PRDX5: variants seen among roughly 807,000 people sequenced by gnomAD.
PRDX5 encodes peroxiredoxin-5, mitochondrial.
In PRDX5, 21 loss-of-function variants were observed where a neutral mutation model predicts 23.8. That is an observed-to-expected ratio of 0.88 (90% CI 0.63 to 1.27). The LOEUF (loss-of-function observed/expected upper bound fraction) is 1.27. Ranked by LOEUF, PRDX5 falls within the 50% of genes most tolerant of loss-of-function variation. The pLI is 0.00. For synonymous variants in PRDX5, 111 were observed against 113.3 expected (o/e 0.98, Z 0.13); for missense variants, 261 against 270.6 (o/e 0.96, Z 0.25).
intron 2 of PRDX5, 120 bp from the exon 3 acceptor site, chr11:64,320,541 A>G: frequency 2.8e-6 from 4 of 1,407,018 alleles, no homozygotes; most frequent in Non-Finnish European, 3.8e-6. Context: ...TGGTTTAGAC[A>G]GCTCTCATTG....
At chr11:64,318,519 A>AGAAGGCCCTCGTG (rs1243517088) in intron 1 of PRDX5, 133 bp downstream of exon 1, 2 of 1,212,820 alleles carry the variant, frequency 1.6e-6, no homozygotes, top group African/African-American at 3.1e-5. Flanking sequence ...TCATCCCTTC[A>AGAAGGCCCTCGTG]GAAGGCCCTC....
chr11:64,318,536 G>C, intron 1 of PRDX5, 150 bp downstream of exon 1: 1 of 1,045,168 alleles, frequency 9.6e-7, no homozygotes, highest in South Asian at 1.5e-5. Flanking sequence ...CCTCGTGGCT[G>C]CCCACCTTTC....
chr11:64,320,592 G>T (rs2035467656), intron 2 of PRDX5, 69 bp from the exon 3 acceptor site: 1 of 1,532,350 alleles, frequency 6.5e-7, no homozygotes. Context: ...AGGAGGGCCT[G>T]GAGATAAAGG....
Position 64,321,075 on chromosome 11 carries a change from G to T in PRDX5, c.539+7G>T, listed in dbSNP as rs376113462. On this transcript the variant is annotated splice_region_variant and intron_variant, in intron 5 of 5. Coordinates refer to ENST00000265462, the MANE Select transcript of PRDX5 (RefSeq NM_012094.5). The stretch of plus-strand genomic sequence containing the variant: ...GGAATCGACGTCTCAAGAGGTAAAA[G>T]TGGAGAGTCCTCTGTGGAGAGAGTC... 359 of 1,612,356 alleles carry T rather than the reference G, an allele frequency of 2.2e-4. 1 individual carries two copies. Among genetic ancestry groups the T allele is most frequent in the Non-Finnish European group, 2.8e-4 (334 of 1,179,020 alleles).
intron 2 of PRDX5, among the ~76,000 whole-genome samples, chr11:64,320,149 G>A (rs536863984): frequency 7.2e-5 from 11 of 152,106 alleles, no homozygotes; most frequent in Non-Finnish European, 1.0e-4. Context: ...ACATGGTGGC[G>A]GGCGCCTGTA....
Position 64,321,734 on chromosome 11 carries a change from C to T in PRDX5, c.*43C>T. ...CTTCCTCCACCCCTCCCTATCTCAC[C>T]TGCCCAGCCCTGTGCTGGGGCCCTG... On this transcript the variant is annotated 3_prime_UTR_variant, in exon 6 of 6. Transcript: ENST00000265462. 1 of 1,527,758 alleles carries T rather than the reference C, an allele frequency of 6.5e-7. No individual in the cohort carries two copies. The highest frequency in any genetic ancestry group is 8.8e-7 in the Non-Finnish European group (1 of 1,132,960). The allele number at this position is 1,527,758 out of a possible 1,614,324, so 94.6% of individuals were successfully genotyped here.
chr11:64,318,887 G>A (rs2035407666), intron 1 of PRDX5, among the ~76,000 whole-genome samples: 1 of 126,724 alleles, frequency 7.9e-6, no homozygotes, highest in Non-Finnish European at 1.5e-5. Context: ...AGGATTACAG[G>A]TGTGAGACAC....
chr11:64,319,610 G>A (rs1312797624), intron 1 of PRDX5, 124 bp from the exon 2 acceptor site: 1 of 1,260,486 alleles, frequency 7.9e-7, no homozygotes, highest in African/African-American at 1.5e-5. Context: ...GACAGGGCTG[G>A]AGTATCCTGC....
In PRDX5 at chr11:64,319,866, A is replaced by G. The variant is rs1374966954; in HGVS notation, c.304A>G (p.Lys102Glu). Residue 102 changes from lysine (K) to glutamate (E), a missense_variant and splice_region_variant, in exon 2 of 6, where the codon AAG (lysine) becomes GAG (glutamate). Coordinates refer to ENST00000265462, the MANE Select transcript of PRDX5 (RefSeq NM_012094.5). ...VPGAFTPGCSKTHLPGFVEQA... is the reference protein window; with the variant it reads ...VPGAFTPGCSETHLPGFVEQA... ...TGGGGCCTTCACCCCTGGATGTTCC[A>G]AGGTGAGGCCCTTCCCCTTCTGAAG... 6.2e-7 allele frequency: 1 copy of G among 1,613,828 alleles called. No individual in the cohort carries two copies. Among genetic ancestry groups the G allele is most frequent in the South Asian group, 1.1e-5 (1 of 91,072 alleles).
At chr11:64,318,986 C>T (rs1189661413) in intron 1 of PRDX5, among the ~76,000 whole-genome samples, 1 of 151,752 alleles carries the variant, frequency 6.6e-6, no homozygotes, top group Non-Finnish European at 1.5e-5. Flanking sequence ...CATGACCTCC[C>T]CTCCCCCCAT....
At chr11:64,320,273 C>A (rs1271003454) in intron 2 of PRDX5, among the ~76,000 whole-genome samples, 1 of 149,856 alleles carries the variant, frequency 6.7e-6, no homozygotes. Flanking sequence ...AGCGAGACTC[C>A]GTCTCAAAAT....
intron 1 of PRDX5, among the ~76,000 whole-genome samples, 169 bp downstream of exon 1, chr11:64,318,555 C>T (rs961105327): frequency 6.6e-6 from 1 of 152,136 alleles, no homozygotes. Flanking sequence ...TCTCGCCAAT[C>T]GTGGGGGCCT....
At position 64,321,606 on chromosome 11, in the gene PRDX5, A is replaced by G. The variant is rs199703803; in HGVS notation, c.560A>G (p.Asp187Gly). Reference sequence around the variant, plus strand: ...GGCAGGTTCTCCATGGTGGTACAGGATGGCATAGTGAAGGCCCTGAATGTG... The same window carrying G: ...GGCAGGTTCTCCATGGTGGTACAGGGTGGCATAGTGAAGGCCCTGAATGTG... ...RLKRFSMVVQDGIVKALNVEP... is the reference protein window; with the variant it reads ...RLKRFSMVVQGGIVKALNVEP... Residue 187 changes from aspartate to glycine, a missense_variant, in exon 6 of 6, where the codon GAT (aspartate) becomes GGT (glycine). Transcript: ENST00000265462. 1.3e-4 allele frequency: 212 copies of G among 1,613,716 alleles called. 1 individual carries two copies. In the East Asian group the frequency reaches 4.3e-3, roughly 33 times the overall value.
chr11:64,320,720 G>A lies in PRDX5; in HGVS notation c.366G>A (p.Val122=). 1.2e-6 allele frequency: 2 copies of A among 1,613,886 alleles called. No individual in the cohort carries two copies. The highest frequency in any genetic ancestry group is 1.7e-6 in the Non-Finnish European group (2 of 1,179,770). ...AEALKAKGVQ[V]VACLSVNDAF... Reference sequence around the variant, plus strand: ...CTCTGAAGGCCAAGGGAGTCCAGGTGGTGGCCTGTCTGAGTGTTAATGATG... The same window carrying A: ...CTCTGAAGGCCAAGGGAGTCCAGGTAGTGGCCTGTCTGAGTGTTAATGATG... The change falls in exon 3 of 6, where the codon GTG becomes GTA. Residue 122 remains valine, a synonymous_variant. Transcript: ENST00000265462.
intron 2 of PRDX5, 59 bp from the exon 3 acceptor site, chr11:64,320,602 G>A: frequency 1.9e-6 from 3 of 1,538,582 alleles, no homozygotes; most frequent in Non-Finnish European, 2.6e-6. Context: ...GGAGATAAAG[G>A]GTGGGCTGGG....
rs1411830428 is a variant in PRDX5 at position 64,318,330 on chromosome 11, G to A, written c.115G>A (p.Ala39Thr). ...AARRYSEGEWASGGVRSFSRA... is the reference protein window; with the variant it reads ...AARRYSEGEWTSGGVRSFSRA... ...AAGACGGTACAGTGAAGGAGAGTGGGCGTCTGGCGGGGTCCGCAGTTTCAG... is the reference window on the plus strand; with the variant it reads ...AAGACGGTACAGTGAAGGAGAGTGGACGTCTGGCGGGGTCCGCAGTTTCAG... Residue 39 changes from alanine (A) to threonine (T), a missense_variant, in exon 1 of 6, where the codon GCG (alanine) becomes ACG (threonine). By Grantham distance (58) the Ala-to-Thr change is moderately conservative. Transcript: ENST00000265462. 1 of 1,612,544 alleles carries A rather than the reference G, an allele frequency of 6.2e-7. No homozygotes were observed. Among genetic ancestry groups the A allele is most frequent in the South Asian group, 1.1e-5 (1 of 91,002 alleles).
intron 4 of PRDX5, 48 bp from the exon 5 acceptor site, chr11:64,320,959 C>T (rs1335151241): frequency 1.1e-5 from 17 of 1,613,890 alleles, no homozygotes; most frequent in Admixed American, 1.0e-4. Context: ...CAGTGGGGGC[C>T]CTTAGCCTCT....
intron 5 of PRDX5, 128 bp from the exon 6 acceptor site, chr11:64,321,458 G>T: frequency 6.9e-7 from 1 of 1,444,318 alleles, no homozygotes; most frequent in South Asian, 1.3e-5. Context: ...GTCCTCTGTG[G>T]GGGAGAGTCC....
chr11:64,321,172 T>G (rs532071538), intron 5 of PRDX5, 104 bp downstream of exon 5: 58 of 1,315,686 alleles, frequency 4.4e-5, no homozygotes, highest in Non-Finnish European at 5.5e-5. Context: ...GAGTCGTCTG[T>G]GGGGGAGAGT....
Sources: gnomAD v4.1 joint callset for allele counts (sites outside exome capture counted in the v4.1 genomes callset) on GRCh38, gnomAD v4.1.1 for gene constraint, MANE v1.5 for transcripts, NCBI Gene and HGNC (gene_info 2026-07-23, HGNC 2026-07-21) for gene names.